The following CDH9 variants were observed in gnomAD, a reference collection of about 807,000 sequenced individuals.
CDH9 encodes cadherin-9.
A neutral mutation model predicts 70.9 loss-of-function variants in CDH9; 28 were observed. The observed-to-expected ratio is 0.40, with a 90% CI of 0.29 to 0.54. The LOEUF is 0.54. CDH9 is among the 20% of genes least tolerant of loss of function. CDH9 has a pLI of 0.59. For synonymous variants in CDH9, 409 were observed against 343.1 expected (o/e 1.19, Z -2.12); for missense variants, 874 against 984.4 (o/e 0.89, Z 1.50).
At chr5:27,007,553 AC>A (rs1459312033) in intron 1 of CDH9, among the ~76,000 whole-genome samples, 8 of 152,110 alleles carry the variant, frequency 5.3e-5, no homozygotes, top group Non-Finnish European at 1.2e-4. Context: ...CTTCAATGAA[AC>A]TTTTTGTCAG....
At chr5:26,916,577 T>A (rs1282037313) in intron 2 of CDH9, among the ~76,000 whole-genome samples, 1 of 151,978 alleles carries the variant, frequency 6.6e-6, no homozygotes. Context: ...AATTGAGCAA[T>A]TATAACCATA....
At chr5:26,955,983 T>G (rs1308765519) in intron 2 of CDH9, among the ~76,000 whole-genome samples, 2 of 152,218 alleles carry the variant, frequency 1.3e-5, no homozygotes, top group African/African-American at 2.4e-5. Context: ...AAACTTACAC[T>G]AAAATTTAAT....
intron 2 of CDH9, among the ~76,000 whole-genome samples, chr5:26,969,296 TTTG>T (rs1338698194): frequency 7.2e-5 from 11 of 152,142 alleles, no homozygotes; most frequent in Non-Finnish European, 1.2e-4. Context: ...TATTTTATGT[TTTG>T]TTATTTTTGG....
intron 1 of CDH9, among the ~76,000 whole-genome samples, chr5:27,029,529 T>C (rs776405855): frequency 1.1e-4 from 16 of 152,118 alleles, no homozygotes; most frequent in South Asian, 2.1e-4. Flanking sequence ...TATGTGAAGT[T>C]GTTTGAAACA....
chr5:26,910,256 T>TATCTATCTATC (rs36175795), intron 3 of CDH9, among the ~76,000 whole-genome samples: 13,118 of 149,866 alleles, frequency 0.088, 687 homozygotes, highest in Middle Eastern at 0.22. Flanking sequence ...TCTATCTATC[T>TATCTATCTATC]ATCTATCTGG....
In CDH9 at chr5:26,964,881, G is replaced by A. The variant is rs369971027; in HGVS notation, c.228+23225C>T. Among the ~76,000 whole-genome samples the A allele has an allele frequency of 4.8e-5, 7 of 145,246 alleles. No homozygotes were observed. In the East Asian group the frequency reaches 8.4e-4, roughly 17 times the overall value. ...CTCCTGCTTATGAGTGAGAACATGTGGTGTTTGATTTTGCTTTCATGAATC... is the reference window on the plus strand; with the variant it reads ...CTCCTGCTTATGAGTGAGAACATGTAGTGTTTGATTTTGCTTTCATGAATC... On this transcript the variant is annotated intron_variant, in intron 2 of 11. Transcript: ENST00000231021.
At chr5:26,933,313 T>C (rs1741496768) in intron 2 of CDH9, among the ~76,000 whole-genome samples, 1 of 151,538 alleles carries the variant, frequency 6.6e-6, no homozygotes, top group Admixed American at 6.6e-5. Flanking sequence ...ATCTTGGACT[T>C]CCATCCTCTA....
At chr5:27,022,341 A>T (rs962415132) in intron 1 of CDH9, among the ~76,000 whole-genome samples, 1 of 152,082 alleles carries the variant, frequency 6.6e-6, no homozygotes, top group Admixed American at 6.6e-5. Context: ...ATTTACCTTT[A>T]AAATTGTCAG....
chr5:27,024,996 G>C (rs1743198045), intron 1 of CDH9, among the ~76,000 whole-genome samples: 1 of 151,978 alleles, frequency 6.6e-6, no homozygotes, highest in Non-Finnish European at 1.5e-5. Flanking sequence ...TAATAATTTA[G>C]CAAAACAGGA....
intron 1 of CDH9, among the ~76,000 whole-genome samples, chr5:27,014,274 C>G (rs1216303460): frequency 6.6e-6 from 1 of 151,908 alleles, no homozygotes; most frequent in Non-Finnish European, 1.5e-5. Context: ...CTTAGGTGCC[C>G]CCAGCATTTC....
At chr5:26,970,912 T>A (rs1742208040) in intron 2 of CDH9, among the ~76,000 whole-genome samples, 1 of 152,156 alleles carries the variant, frequency 6.6e-6, no homozygotes, top group Non-Finnish European at 1.5e-5. Context: ...TCACATATAA[T>A]TCAAGTTGAA....
chr5:26,920,740 CA>C (rs766838040), intron 2 of CDH9, among the ~76,000 whole-genome samples: 17 of 152,096 alleles, frequency 1.1e-4, no homozygotes, highest in Non-Finnish European at 2.4e-4. Context: ...CACTCAAGAC[CA>C]CCAAAGCAGT....
intron 2 of CDH9, among the ~76,000 whole-genome samples, chr5:26,965,356 A>C (rs1365806282): frequency 6.6e-6 from 1 of 151,984 alleles, no homozygotes; most frequent in African/African-American, 2.4e-5. Flanking sequence ...TGGGCAGATT[A>C]CCTGAGGTCA....
chr5:26,893,561 AC>A (rs1740696641), intron 7 of CDH9, among the ~76,000 whole-genome samples: 1 of 152,180 alleles, frequency 6.6e-6, no homozygotes, highest in African/African-American at 2.4e-5. Flanking sequence ...CACTCATTTG[AC>A]ATATGATTGC....
chr5:27,034,964 A>T (rs1387313624), intron 1 of CDH9, among the ~76,000 whole-genome samples: 2 of 151,468 alleles, frequency 1.3e-5, no homozygotes, highest in Non-Finnish European at 3.0e-5. Context: ...AGAGAAAAAA[A>T]ATTTTTTTAG....
chr5:26,959,877 G>A (rs535391843), intron 2 of CDH9, among the ~76,000 whole-genome samples: 1 of 147,028 alleles, frequency 6.8e-6, no homozygotes, highest in African/African-American at 2.4e-5. Flanking sequence ...TGGGGTACTA[G>A]GGCATGATTA....
At chr5:26,924,538 A>C (rs1741302195) in intron 2 of CDH9, among the ~76,000 whole-genome samples, 1 of 148,804 alleles carries the variant, frequency 6.7e-6, no homozygotes, top group African/African-American at 2.5e-5. Context: ...TATTATATAT[A>C]TAAAATAAGT....
chr5:26,920,052 T>A (rs941416168), intron 2 of CDH9, among the ~76,000 whole-genome samples: 1 of 151,886 alleles, frequency 6.6e-6, no homozygotes, highest in Admixed American at 6.6e-5. Context: ...TTGGCCACAG[T>A]GGGGTAGAGC....
intron 2 of CDH9, among the ~76,000 whole-genome samples, chr5:26,950,027 T>C (rs1259981583): frequency 6.6e-6 from 1 of 152,188 alleles, no homozygotes; most frequent in Non-Finnish European, 1.5e-5. Flanking sequence ...TTAAGTGTAG[T>C]GGGACATCAG....
Sources: allele counts gnomAD v4.1 joint callset (sites outside exome capture counted in the v4.1 genomes callset), GRCh38; gene constraint gnomAD v4.1.1; transcripts MANE v1.5; gene names NCBI Gene and HGNC (gene_info 2026-07-23, HGNC 2026-07-21).